GXYLT1: variants seen among roughly 807,000 people sequenced by gnomAD.
GXYLT1 encodes the protein glucoside xylosyltransferase 1.
In GXYLT1, 29 loss-of-function variants were observed where a neutral mutation model predicts 54.0. The observed-to-expected ratio is 0.54, with a 90% CI of 0.40 to 0.73. GXYLT1 has a LOEUF of 0.73. Ranked by LOEUF, GXYLT1 falls within the 30% of genes least tolerant of loss-of-function variation. GXYLT1 has a pLI of 0.00. For synonymous variants in GXYLT1, 176 were observed against 204.1 expected (o/e 0.86, Z 1.17); for missense variants, 490 against 553.4 (o/e 0.89, Z 1.15).
rs1207937395 is a variant in GXYLT1 at position 42,084,945 on chromosome 12, T to TA, written c.*2840dup. 3 of 152,280 alleles carry TA rather than the reference T, an allele frequency of 2.0e-5. No homozygotes were observed. The highest frequency in any genetic ancestry group is 7.2e-5 in the African/African-American group (3 of 41,478). 9.4% of individuals were successfully genotyped at this position (152,280 alleles called of 1,614,324 possible). On this transcript the variant is annotated 3_prime_UTR_variant, in exon 8 of 8. Coordinates refer to ENST00000398675, the MANE Select transcript of GXYLT1 (RefSeq NM_173601.2). ...GAGATAGTTCTGAGGTCAGAATACA[T>TA]AGACTCAAATAATAAATCATGTAGT...
Position 42,086,388 on chromosome 12 carries a change from G to GGTCACT in GXYLT1, c.*1392_*1397dup, listed in dbSNP as rs1415663559. The stretch of plus-strand genomic sequence containing the variant: ...TCTGCATATTCCATGTCTCCACAGA[G>GGTCACT]GTCACTGTGTCTTCACAAAGCTAAC... On this transcript the variant is annotated 3_prime_UTR_variant, in exon 8 of 8. Transcript: ENST00000398675. 2.6e-5 allele frequency: 4 copies of GGTCACT among 152,218 alleles called. No homozygotes were observed. Among genetic ancestry groups the GGTCACT allele is most frequent in the Admixed American group, 6.5e-5 (1 of 15,290 alleles). The allele number at this position is 152,218 out of a possible 1,614,324, so 9.4% of individuals were successfully genotyped here.
chr12:42,144,294 T>G, intron 1 of GXYLT1, 132 bp downstream of exon 1: 2 of 475,026 alleles, frequency 4.2e-6, no homozygotes, highest in Non-Finnish European at 3.3e-6. Context: ...AGGAGGGAAA[T>G]GAGTGAGGGG....
At chr12:42,110,574 T>A (rs1442505823) in intron 3 of GXYLT1, among the ~76,000 whole-genome samples, 1 of 152,216 alleles carries the variant, frequency 6.6e-6, no homozygotes. Context: ...AGACAAGGTC[T>A]CACTCTGTCA....
At chr12:42,092,912 T>C (rs2065336680) in intron 7 of GXYLT1, among the ~76,000 whole-genome samples, 1 of 152,160 alleles carries the variant, frequency 6.6e-6, no homozygotes. Context: ...CTTTATGAAC[T>C]TGTGTTGGGC....
intron 7 of GXYLT1, among the ~76,000 whole-genome samples, chr12:42,089,326 G>T (rs1226345702): frequency 7.9e-6 from 1 of 127,112 alleles, no homozygotes; most frequent in Non-Finnish European, 1.6e-5. Context: ...ATCACACATC[G>T]GGAACTGTTG....
chr12:42,118,983 ATG>A lies in GXYLT1; in HGVS notation c.486+15_486+16del. On this transcript the variant is annotated intron_variant, in intron 3 of 7. Coordinates refer to ENST00000398675, the MANE Select transcript of GXYLT1 (RefSeq NM_173601.2). Reference sequence around the variant, plus strand: ...AATATTCAACTCTACAACCTTGACTATGTCTCAAATACTTACTCTGCCTTTAA... The same window carrying A: ...AATATTCAACTCTACAACCTTGACTATCTCAAATACTTACTCTGCCTTTAA... 6.6e-7 allele frequency: 1 copy of A among 1,519,016 alleles called. No individual in the cohort carries two copies. The highest frequency in any genetic ancestry group is 8.9e-7 in the Non-Finnish European group (1 of 1,119,882). The allele number at this position is 1,519,016 out of a possible 1,614,324, so 94.1% of individuals were successfully genotyped here. A position where few individuals can be genotyped will look rare whatever the true frequency, so the allele number is the denominator to read the frequency against.
intron 3 of GXYLT1, among the ~76,000 whole-genome samples, chr12:42,113,632 C>A (rs1167804517): frequency 1.3e-5 from 2 of 150,938 alleles, no homozygotes; most frequent in Admixed American, 6.6e-5. Context: ...ATTCATAAAG[C>A]AAGTCCTTAG....
At chr12:42,136,361 C>T (rs1013432936) in intron 1 of GXYLT1, among the ~76,000 whole-genome samples, 2 of 152,198 alleles carry the variant, frequency 1.3e-5, no homozygotes, top group African/African-American at 4.8e-5. Flanking sequence ...TATTAAACAT[C>T]CAACATTCAA....
chr12:42,111,474 G>A (rs1287976249), intron 3 of GXYLT1, among the ~76,000 whole-genome samples: 1 of 152,242 alleles, frequency 6.6e-6, no homozygotes, highest in Non-Finnish European at 1.5e-5. Context: ...GGCACACCAG[G>A]AGATTATATC....
In GXYLT1 at chr12:42,096,375, A is replaced by G. The variant is rs547061315; in HGVS notation, c.1161+1067T>C. Among the ~76,000 whole-genome samples the G allele has an allele frequency of 2.6e-5, 4 of 152,306 alleles. No homozygotes were observed. The South Asian group carries it at 8.3e-4, about 32-fold the overall frequency. On this transcript the variant is annotated intron_variant, in intron 7 of 7. Transcript: ENST00000398675. ...AACAGAAAATAAAAGAGGTACTCAAAAAAAGTGATGAGGACATGTCAAAGG... is the reference window on the plus strand; with the variant it reads ...AACAGAAAATAAAAGAGGTACTCAAGAAAAGTGATGAGGACATGTCAAAGG...
intron 7 of GXYLT1, among the ~76,000 whole-genome samples, chr12:42,088,516 A>G (rs1455963370): frequency 3.3e-5 from 5 of 152,168 alleles, no homozygotes; most frequent in Non-Finnish European, 7.4e-5. Flanking sequence ...CACAGGAAAA[A>G]GTCTAAAAAG....
At chr12:42,107,193 A>T (rs2065426454) in intron 4 of GXYLT1, among the ~76,000 whole-genome samples, 1 of 152,178 alleles carries the variant, frequency 6.6e-6, no homozygotes, top group Admixed American at 6.5e-5. Flanking sequence ...TAGGAGCTTG[A>T]TCCTAGTTCT....
At chr12:42,111,509 T>C (rs367987481) in intron 3 of GXYLT1, among the ~76,000 whole-genome samples, 2 of 152,228 alleles carry the variant, frequency 1.3e-5, no homozygotes, top group Non-Finnish European at 2.9e-5. Flanking sequence ...GAGGGTCCTA[T>C]GCCCACGGAG....
At chr12:42,139,380 T>C (rs549850170) in intron 1 of GXYLT1, among the ~76,000 whole-genome samples, 82 of 152,310 alleles carry the variant, frequency 5.4e-4, no homozygotes, top group Non-Finnish European at 1.0e-3. Flanking sequence ...AATTCATATG[T>C]TGAAATCTAA....
intron 5 of GXYLT1, 110 bp downstream of exon 5, chr12:42,105,708 A>G: frequency 1.4e-6 from 1 of 714,374 alleles, no homozygotes; most frequent in Non-Finnish European, 2.2e-6. Context: ...TATTCTAAAT[A>G]GAAAAATTAT....
chr12:42,119,400 T>C (rs1483723567), intron 2 of GXYLT1, among the ~76,000 whole-genome samples: 1 of 143,996 alleles, frequency 6.9e-6, no homozygotes, highest in African/African-American at 2.6e-5. Context: ...AGCCAGACCC[T>C]GTGAAAGACA....
At chr12:42,113,273 A>G (rs1428593258) in intron 3 of GXYLT1, among the ~76,000 whole-genome samples, 1 of 151,196 alleles carries the variant, frequency 6.6e-6, no homozygotes, top group South Asian at 2.1e-4. Context: ...TCAGACTCAC[A>G]CATAACAATA....
intron 7 of GXYLT1, among the ~76,000 whole-genome samples, chr12:42,096,666 G>C (rs970900872): frequency 1.3e-5 from 2 of 152,060 alleles, no homozygotes; most frequent in Non-Finnish European, 2.9e-5. Context: ...GATTGTTTTG[G>C]GCAAGAACCA....
chr12:42,112,423 T>A (rs550143605), intron 3 of GXYLT1, among the ~76,000 whole-genome samples: 1 of 152,092 alleles, frequency 6.6e-6, no homozygotes, highest in Admixed American at 6.5e-5. Flanking sequence ...ATAAACAGAA[T>A]AACCAATGCA....
Sources: gnomAD v4.1 joint callset for allele counts (sites outside exome capture counted in the v4.1 genomes callset) on GRCh38, gnomAD v4.1.1 for gene constraint, MANE v1.5 for transcripts, NCBI Gene and HGNC (gene_info 2026-07-23, HGNC 2026-07-21) for gene names.